Variants in ASTN2 observed in about 807,000 individuals in gnomAD.
ASTN2 encodes astrotactin 2.
Under a neutral mutation model 139.8 loss-of-function variants are expected in ASTN2, and 54 were observed. The observed-to-expected ratio is 0.39, with a 90% CI of 0.31 to 0.48. The LOEUF (loss-of-function observed/expected upper bound fraction) is 0.48, where lower values mean the gene tolerates loss of function less well. Ranked by LOEUF, ASTN2 falls within the 20% of genes least tolerant of loss-of-function variation. The probability of loss-of-function intolerance (pLI) is 0.95; values close to 1 mark genes in which losing one functional copy is unlikely to be tolerated. For missense variants in ASTN2, 1,565 were observed against 1,725.1 expected, an observed-to-expected ratio of 0.91 and a Z score of 1.64; for synonymous variants, 756 against 719.5, an observed-to-expected ratio of 1.05 and a Z score of -0.81.
chr9:116,544,935 G>A (rs999848398), intron 19 of ASTN2, among the ~76,000 whole-genome samples: 1 of 152,214 alleles, frequency 6.6e-6, no homozygotes, highest in Non-Finnish European at 1.5e-5. Flanking sequence ...TGGAATCTGA[G>A]CCAGAAGACC....
chr9:117,108,468 C>T (rs1829164904), intron 4 of ASTN2, among the ~76,000 whole-genome samples: 1 of 151,856 alleles, frequency 6.6e-6, no homozygotes, highest in African/African-American at 2.4e-5. Context: ...CACACACACA[C>T]ACATTTTGTT....
At chr9:116,471,856 G>A (rs1848824011) in intron 20 of ASTN2, among the ~76,000 whole-genome samples, 2 of 152,160 alleles carry the variant, frequency 1.3e-5, no homozygotes, top group African/African-American at 4.8e-5. Flanking sequence ...AACTGAGGGA[G>A]TCAGAATTTG....
At chr9:116,498,999 C>G (rs1438156381) in intron 19 of ASTN2, among the ~76,000 whole-genome samples, 2 of 152,178 alleles carry the variant, frequency 1.3e-5, no homozygotes, top group African/African-American at 4.8e-5. Context: ...CCCTAGTTCT[C>G]TAAAGAGCTG....
At chr9:117,004,004 T>G (rs1011621385) in intron 7 of ASTN2, among the ~76,000 whole-genome samples, 1 of 133,856 alleles carries the variant, frequency 7.5e-6, no homozygotes, top group Non-Finnish European at 1.6e-5. Context: ...CTGGTTAGGG[T>G]GGCAGTGACT....
chr9:116,619,989 C>T (rs191203968), intron 18 of ASTN2, among the ~76,000 whole-genome samples: 9 of 152,054 alleles, frequency 5.9e-5, no homozygotes, highest in Non-Finnish European at 1.2e-4. Flanking sequence ...ATCTCAGTAG[C>T]CCCATTGCCC....
At chr9:116,885,294 C>T (rs1165225262) in intron 10 of ASTN2, among the ~76,000 whole-genome samples, 1 of 152,162 alleles carries the variant, frequency 6.6e-6, no homozygotes, top group Non-Finnish European at 1.5e-5. Flanking sequence ...GATCATTCCA[C>T]ATCCTTTACA....
At chr9:117,141,835 C>T (rs1046166700) in intron 3 of ASTN2, among the ~76,000 whole-genome samples, 2 of 152,062 alleles carry the variant, frequency 1.3e-5, no homozygotes, top group Non-Finnish European at 1.5e-5. Context: ...TAACATTGTG[C>T]AATATTTTTG....
intron 2 of ASTN2, among the ~76,000 whole-genome samples, chr9:117,279,551 C>T (rs1287778039): frequency 1.3e-5 from 2 of 152,182 alleles, no homozygotes; most frequent in Admixed American, 6.5e-5. Context: ...CTACAAGTTA[C>T]GTGGTGAGGC....
intron 5 of ASTN2, among the ~76,000 whole-genome samples, chr9:117,052,015 G>T (rs1838924725): frequency 6.6e-6 from 1 of 152,184 alleles, no homozygotes; most frequent in African/African-American, 2.4e-5. Flanking sequence ...GCAGAGGAAA[G>T]AAAATTGACT....
intron 17 of ASTN2, among the ~76,000 whole-genome samples, chr9:116,630,375 A>T (rs1344989820): frequency 3.9e-5 from 6 of 152,154 alleles, no homozygotes; most frequent in African/African-American, 1.4e-4. Context: ...AAAAGTTGAA[A>T]TTTTTTAAAG....
chr9:116,641,210 T>C (rs919981276), intron 17 of ASTN2, among the ~76,000 whole-genome samples: 1 of 152,194 alleles, frequency 6.6e-6, no homozygotes, highest in Non-Finnish European at 1.5e-5. Flanking sequence ...TCAAAAGTTT[T>C]GGCTGTTAAG....
At chr9:116,592,554 T>A (rs148489517) in intron 19 of ASTN2, among the ~76,000 whole-genome samples, 3 of 152,286 alleles carry the variant, frequency 2.0e-5, no homozygotes, top group Non-Finnish European at 2.9e-5. Context: ...ACCCAAACCA[T>A]ATCAACTGGG....
At chr9:116,845,321 G>A (rs982819924) in intron 11 of ASTN2, among the ~76,000 whole-genome samples, 3 of 152,166 alleles carry the variant, frequency 2.0e-5, no homozygotes, top group South Asian at 2.1e-4. Context: ...GGGTTTCACC[G>A]TGTTAACCAG....
At position 116,612,520 on chromosome 9, in the gene ASTN2, C is replaced by T. The variant is rs921576273; in HGVS notation, c.3355+5804G>A. On this transcript the variant is annotated intron_variant, in intron 19 of 22. Transcript: ENST00000313400. Reference sequence around the variant, plus strand: ...AAAGAAAGAAATTATAACAAACTGTCTCTCAGAACACAGTGCAATCAAACT... The same window carrying T: ...AAAGAAAGAAATTATAACAAACTGTTTCTCAGAACACAGTGCAATCAAACT... The T allele has an allele frequency of 2.2e-4, 34 of 152,314 alleles. 1 individual carries two copies. Among genetic ancestry groups the T allele is most frequent in the Admixed American group, 2.0e-3 (31 of 15,284 alleles). The allele number at this position is 152,314 out of a possible 1,614,324, so 9.4% of individuals were successfully genotyped here.
chr9:117,180,901 A>T, intron 3 of ASTN2: 1 of 1,591,476 alleles, frequency 6.3e-7, no homozygotes, highest in Non-Finnish European at 8.5e-7. Flanking sequence ...CAGGGCCTCA[A>T]TTACATGCTC....
At chr9:116,995,923 T>C (rs1836999749) in intron 7 of ASTN2, among the ~76,000 whole-genome samples, 1 of 152,130 alleles carries the variant, frequency 6.6e-6, no homozygotes, top group African/African-American at 2.4e-5. Context: ...TCACTGACAC[T>C]TTGAACTCCT....
intron 16 of ASTN2, among the ~76,000 whole-genome samples, chr9:116,654,129 T>G (rs1443722705): frequency 6.6e-6 from 1 of 152,180 alleles, no homozygotes; most frequent in African/African-American, 2.4e-5. Flanking sequence ...ATGAGGACAC[T>G]AGGGACTCAT....
rs1847286630 is a variant in ASTN2, at chr9:116,425,767, G to A, written c.*84C>T. Reference sequence around the variant, plus strand: ...TAGGCCCATCCTCAGCTGTCCCCCAGCCCACCCAGGCCCCAGGATCCAGGA... The same window carrying A: ...TAGGCCCATCCTCAGCTGTCCCCCAACCCACCCAGGCCCCAGGATCCAGGA... On this transcript the variant is annotated 3_prime_UTR_variant, in exon 23 of 23. Coordinates refer to ENST00000313400, the MANE Select transcript of ASTN2 (RefSeq NM_001365068.1). The A allele has an allele frequency of 1.3e-6, 2 of 1,561,842 alleles. No homozygotes were observed. Among genetic ancestry groups the A allele is most frequent in the African/African-American group, 1.4e-5 (1 of 73,706 alleles).
chr9:117,296,506 A>G (rs1401842730), intron 1 of ASTN2, among the ~76,000 whole-genome samples: 3 of 152,090 alleles, frequency 2.0e-5, no homozygotes, highest in Non-Finnish European at 2.9e-5. Context: ...TGATTTTCCA[A>G]TTGCATTTTC....
Sources: gnomAD v4.1 joint callset for allele counts (sites outside exome capture counted in the v4.1 genomes callset) on GRCh38, gnomAD v4.1.1 for gene constraint, MANE v1.5 for transcripts, NCBI Gene and HGNC (gene_info 2026-07-23, HGNC 2026-07-21) for gene names.